Variants in EPHB2 observed in about 807,000 individuals in gnomAD.
The protein encoded by EPHB2 is ephrin type-B receptor 2.
In EPHB2, 18 loss-of-function variants were observed where a neutral mutation model predicts 96.4. That is an observed-to-expected ratio of 0.19 (90% CI 0.13 to 0.28). EPHB2 has a LOEUF of 0.28. Ranked by LOEUF, EPHB2 falls within the 10% of genes least tolerant of loss-of-function variation. The pLI, the probability that EPHB2 is intolerant of heterozygous loss-of-function variation, is 1.00. For missense variants in EPHB2, 989 were observed against 1,355.4 expected (o/e 0.73, Z 4.25); for synonymous variants, 506 against 534.1 (o/e 0.95, Z 0.72).
chr1:22,894,796 A>G (rs1639503653), intron 7 of EPHB2, among the ~76,000 whole-genome samples: 1 of 152,130 alleles, frequency 6.6e-6, no homozygotes, highest in Non-Finnish European at 1.5e-5. Context: ...CCTCAGGCAC[A>G]TCATGACCTC....
intron 6 of EPHB2, among the ~76,000 whole-genome samples, chr1:22,883,970 C>A (rs553932617): frequency 5.1e-4 from 77 of 152,022 alleles, no homozygotes; most frequent in African/African-American, 1.7e-3. Flanking sequence ...TGCCTGCCGT[C>A]CCCCCACCCA....
chr1:22,763,651 C>T (rs1644266314), intron 1 of EPHB2, among the ~76,000 whole-genome samples: 1 of 152,164 alleles, frequency 6.6e-6, no homozygotes, highest in Non-Finnish European at 1.5e-5. Flanking sequence ...GCCACTTTCT[C>T]GACTGAGGAT....
intron 1 of EPHB2, among the ~76,000 whole-genome samples, chr1:22,712,679 T>C (rs901948478): frequency 3.3e-5 from 5 of 151,854 alleles, no homozygotes; most frequent in Non-Finnish European, 7.4e-5. Context: ...TTTCCCGGAG[T>C]GGGGCCACTG....
chr1:22,904,469 G>A (rs537321621), intron 9 of EPHB2, among the ~76,000 whole-genome samples: 1 of 152,118 alleles, frequency 6.6e-6, no homozygotes, highest in South Asian at 2.1e-4. Context: ...ATCTCAGGAG[G>A]TTACCAGATC....
At chr1:22,876,335 C>A (rs1638835175) in intron 5 of EPHB2, among the ~76,000 whole-genome samples, 3 of 152,180 alleles carry the variant, frequency 2.0e-5, no homozygotes, top group South Asian at 4.1e-4. Context: ...GGCTTCCTGT[C>A]CTGTCCTGGG....
In EPHB2 at chr1:22,896,492, C is replaced by G; in HGVS notation, c.1765+14C>G. The stretch of plus-strand genomic sequence containing the variant: ...CCAGTGGCCACAGTATGTACACACC[C>G]AAGCGGGCTGGAACCCTTGGGCCCT... On this transcript the variant is annotated intron_variant, in intron 9 of 15. Coordinates refer to ENST00000374630, the MANE Select transcript of EPHB2 (RefSeq NM_017449.5). 1 of 1,614,120 alleles carries G rather than the reference C, an allele frequency of 6.2e-7. No individual in the cohort carries two copies. Among genetic ancestry groups the G allele is most frequent in the Non-Finnish European group, 8.5e-7 (1 of 1,180,010 alleles).
intron 9 of EPHB2, among the ~76,000 whole-genome samples, chr1:22,898,275 G>A (rs1045662737): frequency 4.6e-5 from 7 of 152,166 alleles, no homozygotes; most frequent in African/African-American, 1.7e-4. Context: ...GTGGGGATCA[G>A]GGTGGCGTTT....
intron 3 of EPHB2, among the ~76,000 whole-genome samples, chr1:22,845,654 G>A (rs1168331504): frequency 6.6e-6 from 1 of 152,036 alleles, no homozygotes; most frequent in African/African-American, 2.4e-5. Flanking sequence ...GATAAGAATG[G>A]TCTGTAAGAT....
chr1:22,826,225 G>A (rs1174683770), intron 3 of EPHB2, among the ~76,000 whole-genome samples: 1 of 152,188 alleles, frequency 6.6e-6, no homozygotes, highest in Non-Finnish European at 1.5e-5. Context: ...ACCTCCAGAA[G>A]CATAGATAGT....
intron 3 of EPHB2, among the ~76,000 whole-genome samples, chr1:22,796,564 C>G (rs940389781): frequency 2.6e-5 from 4 of 152,234 alleles, no homozygotes; most frequent in Admixed American, 2.6e-4. Flanking sequence ...CTCTGTCCCC[C>G]CCATCCCCCA....
intron 1 of EPHB2, among the ~76,000 whole-genome samples, chr1:22,777,487 G>A (rs918230497): frequency 7.9e-5 from 12 of 152,200 alleles, no homozygotes; most frequent in African/African-American, 1.9e-4. Context: ...GGTGGAAAAA[G>A]GATGTGATGG....
At position 22,920,671 on chromosome 1, in the gene EPHB2, T is replaced by A. The variant is rs2124183722; in HGVS notation, c.*7101T>A. ...ACTCTGATGGGCAGGGGGCACCAAG[T>A]TGAGCCTCTGAGGCTGGCCCAGCAT... On this transcript the variant is annotated 3_prime_UTR_variant, in exon 16 of 16. Coordinates refer to ENST00000374630, the MANE Select transcript of EPHB2 (RefSeq NM_017449.5). 6.6e-6 allele frequency: 1 copy of A among 152,324 alleles called. No individual in the cohort carries two copies. The highest frequency in any genetic ancestry group is 2.1e-4 in the South Asian group (1 of 4,830). 9.4% of individuals were successfully genotyped at this position (152,324 alleles called of 1,614,324 possible). A position where few individuals can be genotyped will look rare whatever the true frequency, so the allele number is the denominator to read the frequency against.
chr1:22,872,916 G>A (rs1321796008), intron 5 of EPHB2, among the ~76,000 whole-genome samples: 2 of 152,208 alleles, frequency 1.3e-5, no homozygotes, highest in Admixed American at 6.5e-5. Flanking sequence ...CACGAGGTTC[G>A]AGAGGGAGAT....
chr1:22,869,869 G>T (rs902939884), intron 5 of EPHB2, among the ~76,000 whole-genome samples: 6 of 152,190 alleles, frequency 3.9e-5, no homozygotes, highest in African/African-American at 1.4e-4. Flanking sequence ...TTTAGTTCTT[G>T]TTCGTCTCCC....
Position 22,918,656 on chromosome 1 carries a change from A to G in EPHB2, c.*5086A>G, listed in dbSNP as rs1640327150. 1 of 152,258 alleles carries G rather than the reference A, an allele frequency of 6.6e-6. No homozygotes were observed. The highest frequency in any genetic ancestry group is 1.5e-5 in the Non-Finnish European group (1 of 68,056). 9.4% of individuals were successfully genotyped at this position (152,258 alleles called of 1,614,324 possible). A position where few individuals can be genotyped will look rare whatever the true frequency, so the allele number is the denominator to read the frequency against. ...AGCCTTCTGCAAAATGGCTTCTGCC[A>G]TCAAACTTAAGGTGGAGAATGGTCT... On this transcript the variant is annotated 3_prime_UTR_variant, in exon 16 of 16. Transcript: ENST00000374630. The surrounding 1 kb of genome is among the most constrained non-coding windows in gnomAD (Gnocchi z 4.2).
chr1:22,769,596 CAG>C (rs1273308781), intron 1 of EPHB2, among the ~76,000 whole-genome samples: 1 of 152,056 alleles, frequency 6.6e-6, no homozygotes, highest in Non-Finnish European at 1.5e-5. Context: ...TTAGTAGGGA[CAG>C]GGTTTTGTCA....
chr1:22,780,828 C>A (rs911397727), intron 1 of EPHB2, among the ~76,000 whole-genome samples: 5 of 152,208 alleles, frequency 3.3e-5, no homozygotes, highest in African/African-American at 4.8e-5. Context: ...AGAGCCTGAC[C>A]ATGATGTAAG....
intron 1 of EPHB2, among the ~76,000 whole-genome samples, chr1:22,718,990 T>C (rs1378403785): frequency 6.6e-6 from 1 of 152,110 alleles, no homozygotes. Context: ...TCCAGCTCCA[T>C]CAACATCCTG....
intron 3 of EPHB2, among the ~76,000 whole-genome samples, chr1:22,832,548 T>C (rs1014387805): frequency 6.6e-6 from 1 of 152,078 alleles, no homozygotes; most frequent in African/African-American, 2.4e-5. Context: ...CCCCTAGTGA[T>C]TGTCATGGAG....
Sources: allele counts gnomAD v4.1 joint callset (sites outside exome capture counted in the v4.1 genomes callset), GRCh38; gene constraint gnomAD v4.1.1; non-coding constraint Gnocchi (gnomAD v3.1); transcripts MANE v1.5; gene names NCBI Gene and HGNC (gene_info 2026-07-23, HGNC 2026-07-21).